The following MINDY3 variants were observed in gnomAD, a reference collection of about 807,000 sequenced individuals.
MINDY3 encodes ubiquitin carboxyl-terminal hydrolase MINDY-3.
Under a neutral mutation model 69.2 loss-of-function variants are expected in MINDY3, and 38 were observed. The ratio of observed to expected loss-of-function variants is 0.55; its 90% CI spans 0.42 to 0.72. The LOEUF (loss-of-function observed/expected upper bound fraction) is 0.72. Among genes scored for constraint, MINDY3 ranks in the 30% least tolerant of loss-of-function variants. The pLI, the probability that MINDY3 is intolerant of heterozygous loss-of-function variation, is 0.00. For missense variants in MINDY3, 522 were observed against 519.0 expected, an observed-to-expected ratio of 1.01 and a Z score of -0.06; for synonymous variants, 192 against 180.1, an observed-to-expected ratio of 1.07 and a Z score of -0.53.
chr10:15,781,564 G>A (rs1836534458), intron 14 of MINDY3, among the ~76,000 whole-genome samples: 1 of 152,032 alleles, frequency 6.6e-6, no homozygotes, highest in Admixed American at 6.6e-5. Flanking sequence ...CTTTGTCAAC[G>A]GTTAGCAAAG....
At chr10:15,789,191 T>C in intron 12 of MINDY3, 56 bp downstream of exon 12, 2 of 1,418,128 alleles carry the variant, frequency 1.4e-6, no homozygotes, top group Admixed American at 1.7e-5. Context: ...ACAATATGTC[T>C]TAAACTTAAT....
chr10:15,790,217 C>A lies in MINDY3; in HGVS notation c.956-898G>T, dbSNP rs532318580. On this transcript the variant is annotated intron_variant, in intron 11 of 14. Transcript: ENST00000277632. ...TTCAGGGTGTGGAATTGTACACTATCTCTATCAGAAAGGAATGAAGTTATG... is the reference window on the plus strand; with the variant it reads ...TTCAGGGTGTGGAATTGTACACTATATCTATCAGAAAGGAATGAAGTTATG... 5.3e-5 allele frequency among the ~76,000 whole-genome samples: 8 copies of A among 152,166 alleles called. No individual in the cohort carries two copies. The East Asian group carries it at 1.4e-3, about 26-fold the overall frequency.
intron 8 of MINDY3, among the ~76,000 whole-genome samples, chr10:15,831,673 CT>C (rs10716234): frequency 0.15 from 18,084 of 121,246 alleles, 2,348 homozygotes; most frequent in African/African-American, 0.43. Context: ...GCCTCCTTTT[CT>C]TTTTTTTTTT....
chr10:15,812,028 G>C (rs562849171), intron 10 of MINDY3, among the ~76,000 whole-genome samples: 1 of 151,846 alleles, frequency 6.6e-6, no homozygotes, highest in Non-Finnish European at 1.5e-5. Context: ...TGCAACCTCC[G>C]TCCCCTGGGT....
intron 14 of MINDY3, among the ~76,000 whole-genome samples, chr10:15,781,422 ATAAC>A (rs997033216): frequency 5.3e-4 from 79 of 149,116 alleles, no homozygotes; most frequent in African/African-American, 1.7e-3. Context: ...TATATATACT[ATAAC>A]TAGTATGTAC....
chr10:15,856,901 C>T (rs1457628305), intron 1 of MINDY3, among the ~76,000 whole-genome samples: 4 of 152,180 alleles, frequency 2.6e-5, no homozygotes, highest in African/African-American at 7.2e-5. Context: ...AGCATCTTTT[C>T]TCCCCTGGAC....
At chr10:15,784,379 G>A (rs901829967) in intron 13 of MINDY3, among the ~76,000 whole-genome samples, 6 of 152,124 alleles carry the variant, frequency 3.9e-5, no homozygotes, top group Non-Finnish European at 5.9e-5. Flanking sequence ...AAAGATTACC[G>A]AAGTTAAATA....
At chr10:15,847,537 T>C (rs745710199) in intron 2 of MINDY3, among the ~76,000 whole-genome samples, 20 of 152,198 alleles carry the variant, frequency 1.3e-4, no homozygotes, top group Non-Finnish European at 2.6e-4. Context: ...ATTACAGTGA[T>C]TGTACCTATC....
In MINDY3 at chr10:15,778,951, A is replaced by ACAT. The variant is rs1469003296; in HGVS notation, c.*38_*40dup. 1 of 1,576,528 alleles carries ACAT rather than the reference A, an allele frequency of 6.3e-7. No homozygotes were observed. Among genetic ancestry groups the ACAT allele is most frequent in the Non-Finnish European group, 8.7e-7 (1 of 1,154,340 alleles). ...TTGCCAGTCTTGACTCCTTCTTTCA[A>ACAT]CATCTGTTATTAAGATCTTCCTTAT... On this transcript the variant is annotated 3_prime_UTR_variant, in exon 15 of 15. Coordinates refer to ENST00000277632, the MANE Select transcript of MINDY3 (RefSeq NM_024948.4).
intron 10 of MINDY3, among the ~76,000 whole-genome samples, chr10:15,805,968 G>A (rs1046941130): frequency 2.0e-5 from 3 of 152,066 alleles, no homozygotes; most frequent in Non-Finnish European, 4.4e-5. Flanking sequence ...TTTTAGAGAC[G>A]TTAAAACATT....
chr10:15,809,890 G>C (rs1289496180), intron 10 of MINDY3, among the ~76,000 whole-genome samples: 2 of 152,008 alleles, frequency 1.3e-5, no homozygotes, highest in Non-Finnish European at 2.9e-5. Flanking sequence ...ATATCAGACA[G>C]AAAATATGAT....
At position 15,824,273 on chromosome 10, in the gene MINDY3, T is replaced by C. The variant is rs1839948898; in HGVS notation, c.731-2547A>G. Among the ~76,000 whole-genome samples the C allele has an allele frequency of 2.0e-5, 3 of 152,300 alleles. No individual in the cohort carries two copies. The Middle Eastern group carries it at 0.01, about 518-fold the overall frequency. ...GCATATAGGAGTTCTCTTTTCTCTA[T>C]CTTCGCCACACTTTTGTTGTTTTTT... On this transcript the variant is annotated intron_variant, in intron 8 of 14. Coordinates refer to ENST00000277632, the MANE Select transcript of MINDY3 (RefSeq NM_024948.4).
intron 10 of MINDY3, among the ~76,000 whole-genome samples, chr10:15,809,614 G>A (rs909898998): frequency 9.9e-5 from 15 of 152,000 alleles, no homozygotes; most frequent in African/African-American, 2.9e-4. Context: ...GTCCATTTAC[G>A]TACTGCATTT....
chr10:15,802,070 A>AAAT (rs907457653), intron 10 of MINDY3, among the ~76,000 whole-genome samples: 1 of 151,570 alleles, frequency 6.6e-6, no homozygotes, highest in African/African-American at 2.4e-5. Context: ...AATACATATA[A>AAAT]AATACAAAAT....
intron 4 of MINDY3, among the ~76,000 whole-genome samples, chr10:15,839,048 G>A (rs1266687553): frequency 6.6e-6 from 1 of 151,654 alleles, no homozygotes; most frequent in Non-Finnish European, 1.5e-5. Flanking sequence ...CTTGAGCACA[G>A]ATAGTCTTGG....
intron 11 of MINDY3, among the ~76,000 whole-genome samples, chr10:15,793,216 T>C (rs1837553796): frequency 6.6e-6 from 1 of 152,138 alleles, no homozygotes. Flanking sequence ...CACTGTGGAC[T>C]TTCTCCAAAG....
intron 11 of MINDY3, among the ~76,000 whole-genome samples, chr10:15,791,130 A>C (rs1312230558): frequency 6.6e-6 from 1 of 152,158 alleles, no homozygotes; most frequent in Non-Finnish European, 1.5e-5. Flanking sequence ...CATTTTGTAC[A>C]TTTAGTATTT....
Position 15,837,309 on chromosome 10 carries a change from C to T in MINDY3, c.471G>A (p.Ser157=), listed in dbSNP as rs142665795. 1.3e-4 allele frequency: 210 copies of T among 1,591,032 alleles called. No individual in the cohort carries two copies. In the African/African-American group the frequency reaches 2.2e-3, roughly 16 times the overall value. Residue 157 remains serine (S), a synonymous_variant, in exon 6 of 15, where the codon TCG becomes TCA. Transcript: ENST00000277632. The part of the protein sequence containing the change: ...ERFHALIQKR[S]FRSLPELKDA... The stretch of plus-strand genomic sequence containing the variant: ...CTTTTAATTCTGGTAAACTTCTGAA[C>T]GATCTTTTTCTGGGGGAAAAAAAGA...
chr10:15,848,091 A>G, intron 1 of MINDY3, 148 bp from the exon 2 acceptor site: 3 of 645,388 alleles, frequency 4.6e-6, no homozygotes, highest in Non-Finnish European at 8.1e-6. Context: ...GAACCTTTTG[A>G]AAAAAAAATC....
Sources: allele counts gnomAD v4.1 joint callset (sites outside exome capture counted in the v4.1 genomes callset), GRCh38; gene constraint gnomAD v4.1.1; transcripts MANE v1.5; gene names NCBI Gene and HGNC (gene_info 2026-07-23, HGNC 2026-07-21).